RPS6KA5: variants seen among roughly 807,000 people sequenced by gnomAD.
RPS6KA5 encodes the protein ribosomal protein S6 kinase alpha-5.
In RPS6KA5, 27 loss-of-function variants were observed where a neutral mutation model predicts 85.5. The ratio of observed to expected loss-of-function variants is 0.32; its 90% CI spans 0.23 to 0.44. The LOEUF (loss-of-function observed/expected upper bound fraction) is 0.44, where lower values mean the gene tolerates loss of function less well. Among genes scored for constraint, RPS6KA5 ranks in the 20% least tolerant of loss-of-function variants. RPS6KA5 has a pLI of 1.00. For missense variants in RPS6KA5, 811 were observed against 980.9 expected, an observed-to-expected ratio of 0.83 and a Z score of 2.31; for synonymous variants, 334 against 348.2, an observed-to-expected ratio of 0.96 and a Z score of 0.46.
Position 90,864,382 on chromosome 14 carries a change from C to G in RPS6KA5, c.*7692G>C, listed in dbSNP as rs1254221952. 2 of 152,238 alleles carry G rather than the reference C, an allele frequency of 1.3e-5. No homozygotes were observed. The highest frequency in any genetic ancestry group is 2.4e-5 in the African/African-American group (1 of 41,438). The allele number at this position is 152,238 out of a possible 1,614,324, so 9.4% of individuals were successfully genotyped here. ...CTCCAACTCCTGACCTCCAGTGATC[C>G]ACCTGGCTTGGCCTCCCAAAGCACT... On this transcript the variant is annotated 3_prime_UTR_variant, in exon 17 of 17. Transcript: ENST00000614987.
At chr14:90,886,485 G>GT (rs1236794535) in intron 14 of RPS6KA5, among the ~76,000 whole-genome samples, 18 of 152,160 alleles carry the variant, frequency 1.2e-4, no homozygotes, top group Non-Finnish European at 1.0e-4. Context: ...CTTTAGGGAG[G>GT]TAACTAAGGT....
intron 7 of RPS6KA5, among the ~76,000 whole-genome samples, chr14:90,909,162 G>A (rs758652769): frequency 2.0e-5 from 3 of 152,224 alleles, no homozygotes; most frequent in Non-Finnish European, 4.4e-5. Flanking sequence ...CAGAAGTGGG[G>A]CTGAGGGTAG....
intron 1 of RPS6KA5, among the ~76,000 whole-genome samples, chr14:91,004,892 C>T (rs1014712523): frequency 6.6e-6 from 1 of 151,516 alleles, no homozygotes; most frequent in Non-Finnish European, 1.5e-5. Context: ...GGCCTGAACC[C>T]GGGAGGCGGA....
chr14:90,926,598 G>T (rs995895379), intron 5 of RPS6KA5, among the ~76,000 whole-genome samples: 2 of 150,774 alleles, frequency 1.3e-5, no homozygotes, highest in African/African-American at 4.9e-5. Flanking sequence ...TTTTGTTTTT[G>T]AATCTGTTTT....
At chr14:90,946,504 C>T (rs2140365930) in intron 4 of RPS6KA5, among the ~76,000 whole-genome samples, 1 of 152,266 alleles carries the variant, frequency 6.6e-6, no homozygotes, top group Admixed American at 6.5e-5. Flanking sequence ...CACCTGTTAC[C>T]TCCACCTTGC....
chr14:90,904,023 T>G, intron 8 of RPS6KA5, among the ~76,000 whole-genome samples: 1 of 151,744 alleles, frequency 6.6e-6, no homozygotes, highest in East Asian at 2.0e-4. Flanking sequence ...CTCGGCTCAC[T>G]ACTACAAGCT....
intron 1 of RPS6KA5, among the ~76,000 whole-genome samples, chr14:91,003,525 G>A (rs2040873497): frequency 1.3e-5 from 2 of 152,114 alleles, no homozygotes; most frequent in African/African-American, 4.8e-5. Context: ...GCTGCTACAG[G>A]AGCTCAAGTC....
rs749386215 is a variant in RPS6KA5, at chr14:90,926,390, CA to C, written c.619-3195del. 1.2e-3 allele frequency among the ~76,000 whole-genome samples: 87 copies of C among 74,926 alleles called. 2 individuals are homozygous for C. The highest frequency in any genetic ancestry group is 8.9e-3 in the Middle Eastern group (1 of 112). 49.2% of individuals were successfully genotyped at this position (74,926 alleles called of 152,430 possible). A position where few individuals can be genotyped will look rare whatever the true frequency, so the allele number is the denominator to read the frequency against. ...TGGGCCACAGAGTGAGACTCTGTCT[CA>C]AAAAAAAAAAACAAAAAAAAAGACT... On this transcript the variant is annotated intron_variant, in intron 5 of 16. Transcript: ENST00000614987.
In RPS6KA5 at chr14:91,052,479, A is replaced by C. The variant is rs747357071; in HGVS notation, c.103+7853T>G. 491 of 245,162 alleles carry C rather than the reference A, an allele frequency of 2.0e-3. 4 individuals are homozygous for C. Among genetic ancestry groups the C allele is most frequent in the African/African-American group, 0.011 (450 of 41,668 alleles). The allele number at this position is 245,162 out of a possible 1,614,324, so 15.2% of individuals were successfully genotyped here. A position where few individuals can be genotyped will look rare whatever the true frequency, so the allele number is the denominator to read the frequency against. ...GACTCGTCTCTTAAAAAAAAAAAAA[A>C]AAAAACAGATTTACTTAAGAGATTG... On this transcript the variant is annotated intron_variant, in intron 1 of 16. Coordinates refer to ENST00000614987, the MANE Select transcript of RPS6KA5 (RefSeq NM_004755.4).
At chr14:90,915,590 T>A (rs948197143) in intron 7 of RPS6KA5, among the ~76,000 whole-genome samples, 1 of 152,092 alleles carries the variant, frequency 6.6e-6, no homozygotes, top group Non-Finnish European at 1.5e-5. Flanking sequence ...GCGGATCACT[T>A]GAGGTCAGGA....
intron 14 of RPS6KA5, among the ~76,000 whole-genome samples, chr14:90,886,521 CT>C (rs1254969735): frequency 2.0e-5 from 3 of 152,074 alleles, no homozygotes; most frequent in Non-Finnish European, 2.9e-5. Flanking sequence ...GGGTAGGCCC[CT>C]GATCCAAGAG....
intron 15 of RPS6KA5, among the ~76,000 whole-genome samples, chr14:90,874,108 G>T (rs1759122181): frequency 1.3e-5 from 2 of 152,184 alleles, no homozygotes; most frequent in Admixed American, 1.3e-4. Context: ...AAAGCACACA[G>T]ATCTACTTCA....
intron 7 of RPS6KA5, among the ~76,000 whole-genome samples, chr14:90,913,607 A>C (rs2035951463): frequency 6.6e-6 from 1 of 152,172 alleles, no homozygotes; most frequent in South Asian, 2.1e-4. Context: ...TAAGATTTAA[A>C]AGTTACTTAG....
At chr14:90,896,267 G>C (rs1384204248) in intron 12 of RPS6KA5, among the ~76,000 whole-genome samples, 2 of 152,186 alleles carry the variant, frequency 1.3e-5, no homozygotes, top group Non-Finnish European at 2.9e-5. Context: ...AGTGGTGTAC[G>C]AACAGATTTA....
intron 3 of RPS6KA5, among the ~76,000 whole-genome samples, chr14:90,971,802 G>T (rs775524323): frequency 6.6e-6 from 1 of 152,170 alleles, no homozygotes; most frequent in Non-Finnish European, 1.5e-5. Context: ...AAGAAAAGCT[G>T]TAAACCTCCA....
intron 1 of RPS6KA5, among the ~76,000 whole-genome samples, chr14:91,025,411 AG>A (rs1336789441): frequency 2.0e-5 from 3 of 152,176 alleles, no homozygotes; most frequent in African/African-American, 7.2e-5. Context: ...AGACTACTGC[AG>A]AAGAGCCCTA....
rs2031797910 is a variant in RPS6KA5 at position 90,847,910 on chromosome 14, A to G, written c.*24164T>C. 1 of 152,270 alleles carries G rather than the reference A, an allele frequency of 6.6e-6. No homozygotes were observed. The highest frequency in any genetic ancestry group is 2.1e-4 in the South Asian group (1 of 4,836). 9.4% of individuals were successfully genotyped at this position (152,270 alleles called of 1,614,324 possible). On this transcript the variant is annotated 3_prime_UTR_variant, in exon 17 of 17. Coordinates refer to ENST00000614987, the MANE Select transcript of RPS6KA5 (RefSeq NM_004755.4). ...TTATTCTTAAAGCTTGAACAAATAC[A>G]TCTTTACACACACACAAGTTGGTAA...
intron 9 of RPS6KA5, 116 bp from the exon 10 acceptor site, chr14:90,900,852 G>T: frequency 1.2e-6 from 1 of 800,052 alleles, no homozygotes; most frequent in Non-Finnish European, 1.9e-6. Flanking sequence ...TTGTTGAGAT[G>T]AGTCTAATTT....
intron 1 of RPS6KA5, among the ~76,000 whole-genome samples, chr14:91,017,195 C>A (rs1389241826): frequency 6.6e-6 from 1 of 152,188 alleles, no homozygotes; most frequent in East Asian, 1.9e-4. Flanking sequence ...TATATGGCAT[C>A]ATTGCTGACA....
Sources: gnomAD v4.1 joint callset for allele counts (sites outside exome capture counted in the v4.1 genomes callset) on GRCh38, gnomAD v4.1.1 for gene constraint, MANE v1.5 for transcripts, NCBI Gene and HGNC (gene_info 2026-07-23, HGNC 2026-07-21) for gene names.